Variants in CNTNAP2 observed in about 807,000 individuals in gnomAD.
CNTNAP2 encodes contactin associated protein 2, also known as contactin-associated protein-like 2.
In CNTNAP2, 98 loss-of-function variants were observed where a neutral mutation model predicts 155.2. The ratio of observed to expected loss-of-function variants is 0.63; its 90% CI spans 0.54 to 0.75. CNTNAP2 has a LOEUF of 0.75. Ranked by LOEUF, CNTNAP2 falls within the 30% of genes least tolerant of loss-of-function variation. CNTNAP2 has a pLI of 0.00. For missense variants in CNTNAP2, 1,727 were observed against 1,688.1 expected (o/e 1.02, Z -0.40); for synonymous variants, 651 against 631.2 (o/e 1.03, Z -0.47).
chr7:147,694,740 G>T (rs1224811876), intron 13 of CNTNAP2, among the ~76,000 whole-genome samples: 1 of 151,988 alleles, frequency 6.6e-6, no homozygotes, highest in African/African-American at 2.4e-5. Context: ...AGTTATCCTG[G>T]CAAGAGGCTT....
intron 12 of CNTNAP2, among the ~76,000 whole-genome samples, chr7:147,577,176 C>T (rs1473550500): frequency 6.6e-6 from 1 of 152,012 alleles, no homozygotes; most frequent in Non-Finnish European, 1.5e-5. Flanking sequence ...CTAACAGTGT[C>T]ACTGATGATC....
intron 18 of CNTNAP2, among the ~76,000 whole-genome samples, chr7:148,210,765 A>T (rs1253249208): frequency 6.6e-6 from 1 of 152,238 alleles, no homozygotes; most frequent in Non-Finnish European, 1.5e-5. Flanking sequence ...AGCAGAGGTG[A>T]ACGTTAACCC....
intron 1 of CNTNAP2, among the ~76,000 whole-genome samples, chr7:146,626,311 A>T (rs1220122442): frequency 1.3e-5 from 2 of 152,274 alleles, no homozygotes; most frequent in South Asian, 2.1e-4. Flanking sequence ...ATTGAATTTT[A>T]AAAAATCTAT....
intron 3 of CNTNAP2, among the ~76,000 whole-genome samples, chr7:146,933,518 A>C (rs1043728100): frequency 1.1e-4 from 16 of 151,312 alleles, no homozygotes; most frequent in African/African-American, 3.6e-4. Context: ...CATTCAGGAC[A>C]TAGGCATGGG....
chr7:146,155,579 T>A (rs2116786082), intron 1 of CNTNAP2, among the ~76,000 whole-genome samples: 1 of 151,994 alleles, frequency 6.6e-6, no homozygotes, highest in East Asian at 1.9e-4. Context: ...GAATATGCAA[T>A]GAGGAATAGA....
chr7:146,149,180 TA>T (rs1797998387), intron 1 of CNTNAP2, among the ~76,000 whole-genome samples: 1 of 151,880 alleles, frequency 6.6e-6, no homozygotes, highest in South Asian at 2.1e-4. Flanking sequence ...TAAAGTATAA[TA>T]ATAATAAAAA....
rs200644971 is a variant in CNTNAP2, at chr7:147,177,073, GTATAA to G, written c.1348+44572_1348+44576del. On this transcript the variant is annotated intron_variant, in intron 8 of 23. Coordinates refer to ENST00000361727, the MANE Select transcript of CNTNAP2 (RefSeq NM_014141.6). ...TATATTCTGTATAATACATACACAC[GTATAA>G]TATAATAGAATCATATTCTGTCATC... Among the ~76,000 whole-genome samples the G allele has an allele frequency of 9.2e-3, 1,329 of 144,420 alleles. 16 individuals are homozygous for G. The highest frequency in any genetic ancestry group is 0.032 in the African/African-American group (1,249 of 38,530). The allele number at this position is 144,420 out of a possible 152,430, so 94.7% of individuals were successfully genotyped here.
intron 1 of CNTNAP2, among the ~76,000 whole-genome samples, chr7:146,573,873 G>C (rs971468704): frequency 8.5e-5 from 13 of 152,184 alleles, no homozygotes; most frequent in African/African-American, 2.9e-4. Context: ...AAATAGGATT[G>C]TTAAGTGGAT....
At chr7:147,142,644 G>A (rs1244675493) in intron 8 of CNTNAP2, among the ~76,000 whole-genome samples, 4 of 152,158 alleles carry the variant, frequency 2.6e-5, no homozygotes, top group Non-Finnish European at 5.9e-5. Context: ...GTTTCAGAAG[G>A]AATGGCACCA....
intron 21 of CNTNAP2, among the ~76,000 whole-genome samples, chr7:148,344,207 A>G (rs1372355417): frequency 1.3e-5 from 2 of 152,194 alleles, no homozygotes; most frequent in Non-Finnish European, 2.9e-5. Flanking sequence ...AGTGTCAAGC[A>G]TTGTATTAGG....
At chr7:147,883,433 A>T (rs763780964) in intron 13 of CNTNAP2, among the ~76,000 whole-genome samples, 10 of 152,242 alleles carry the variant, frequency 6.6e-5, no homozygotes, top group Non-Finnish European at 1.2e-4. Flanking sequence ...TAAAGTTATG[A>T]CACAAGGAAT....
intron 11 of CNTNAP2, among the ~76,000 whole-genome samples, chr7:147,490,060 C>T (rs145333013): frequency 2.1e-3 from 324 of 152,200 alleles, no homozygotes; most frequent in African/African-American, 7.5e-3. Context: ...CAAAAATAAG[C>T]AATGTTAGCC....
intron 11 of CNTNAP2, among the ~76,000 whole-genome samples, chr7:147,539,280 A>G (rs1346705968): frequency 1.3e-5 from 2 of 152,172 alleles, no homozygotes; most frequent in African/African-American, 4.8e-5. Flanking sequence ...CAATAAGTAC[A>G]AGACTCTCTA....
chr7:147,727,552 T>C (rs915852539), intron 13 of CNTNAP2, among the ~76,000 whole-genome samples: 15 of 152,006 alleles, frequency 9.9e-5, no homozygotes, highest in Admixed American at 9.9e-4. Context: ...TATTATGTAG[T>C]AGGGACTGTA....
chr7:146,375,099 A>G (rs1563060031), intron 1 of CNTNAP2, among the ~76,000 whole-genome samples: 1 of 152,254 alleles, frequency 6.6e-6, no homozygotes, highest in Non-Finnish European at 1.5e-5. Flanking sequence ...TGTGTTCACA[A>G]AAACAAAACT....
At chr7:147,184,522 A>G (rs971352195) in intron 8 of CNTNAP2, among the ~76,000 whole-genome samples, 3 of 152,206 alleles carry the variant, frequency 2.0e-5, no homozygotes, top group African/African-American at 7.2e-5. Flanking sequence ...GGCCAGGTAA[A>G]GAACAAAATG....
intron 10 of CNTNAP2, among the ~76,000 whole-genome samples, chr7:147,408,979 G>T (rs1175889014): frequency 6.6e-6 from 1 of 152,140 alleles, no homozygotes; most frequent in Non-Finnish European, 1.5e-5. Context: ...AGGAGAGAGG[G>T]CTCATTAGAT....
intron 10 of CNTNAP2, among the ~76,000 whole-genome samples, chr7:147,481,861 C>T (rs530309629): frequency 6.6e-6 from 1 of 152,284 alleles, no homozygotes; most frequent in South Asian, 2.1e-4. Context: ...CAAGCTAGGA[C>T]TTGCCATGAA....
At chr7:148,126,750 G>A (rs1373808307) in intron 16 of CNTNAP2, among the ~76,000 whole-genome samples, 1 of 152,064 alleles carries the variant, frequency 6.6e-6, no homozygotes, top group East Asian at 1.9e-4. Flanking sequence ...ATATGAACGG[G>A]GAGAGGACGA....
Sources: allele counts gnomAD v4.1 joint callset (sites outside exome capture counted in the v4.1 genomes callset), GRCh38; gene constraint gnomAD v4.1.1; transcripts MANE v1.5; gene names NCBI Gene and HGNC (gene_info 2026-07-23, HGNC 2026-07-21).